Variants in ME1 observed in about 807,000 individuals in gnomAD.
ME1 encodes malic enzyme 1, also known as NADP-dependent malic enzyme.
A neutral mutation model predicts 66.4 loss-of-function variants in ME1; 74 were observed. The observed-to-expected ratio is 1.11, with a 90% CI of 0.92 to 1.35. ME1 has a LOEUF of 1.35. Among genes scored for constraint, ME1 ranks in the 40% most tolerant of loss-of-function variants. ME1 has a pLI of 0.00. For missense variants in ME1, 750 were observed against 694.1 expected (o/e 1.08, Z -0.90); for synonymous variants, 251 against 235.6 (o/e 1.07, Z -0.60).
intron 1 of ME1, among the ~76,000 whole-genome samples, chr6:83,416,356 G>A (rs1770159733): frequency 6.6e-6 from 1 of 152,130 alleles, no homozygotes; most frequent in Non-Finnish European, 1.5e-5. Flanking sequence ...TCACATTTCA[G>A]TATTGTCTGA....
In ME1 at chr6:83,210,757, T is replaced by C. The variant is rs1789857327; in HGVS notation, c.*1167A>G. ...ATAAGTAGCAAATGTTATTGCACCT[T>C]AGCTTTATAATTTAAAATTTTTTCC... On this transcript the variant is annotated 3_prime_UTR_variant, in exon 14 of 14. Coordinates refer to ENST00000369705, the MANE Select transcript of ME1 (RefSeq NM_002395.6). 6.6e-6 allele frequency: 1 copy of C among 152,194 alleles called. No homozygotes were observed. The allele number at this position is 152,194 out of a possible 1,614,324, so 9.4% of individuals were successfully genotyped here.
intron 6 of ME1, among the ~76,000 whole-genome samples, chr6:83,298,447 T>G (rs1377208573): frequency 6.6e-6 from 1 of 152,208 alleles, no homozygotes; most frequent in African/African-American, 2.4e-5. Context: ...TTAAGTTCCT[T>G]GAAGATGTTG....
chr6:83,322,799 C>A (rs1768203453), intron 5 of ME1, among the ~76,000 whole-genome samples: 1 of 152,132 alleles, frequency 6.6e-6, no homozygotes, highest in African/African-American at 2.4e-5. Context: ...TCAGGAAATA[C>A]AGAGAACACC....
At chr6:83,422,108 T>G (rs1770279397) in intron 1 of ME1, among the ~76,000 whole-genome samples, 1 of 152,120 alleles carries the variant, frequency 6.6e-6, no homozygotes, top group Non-Finnish European at 1.5e-5. Context: ...TCCCATAAAG[T>G]TGTATATTAA....
chr6:83,347,872 G>A (rs16884184), intron 4 of ME1, among the ~76,000 whole-genome samples: 4,185 of 152,206 alleles, frequency 0.027, 196 homozygotes, highest in African/African-American at 0.092. Context: ...TCAGAGAACT[G>A]AAATAATTTG....
intron 6 of ME1, among the ~76,000 whole-genome samples, chr6:83,300,522 C>G (rs1397183123): frequency 6.6e-6 from 1 of 151,142 alleles, no homozygotes; most frequent in African/African-American, 2.4e-5. Context: ...CTATAGAGAA[C>G]TTAAATCTAC....
At chr6:83,340,681 A>T (rs76448122) in intron 5 of ME1, among the ~76,000 whole-genome samples, 2 of 146,898 alleles carry the variant, frequency 1.4e-5, no homozygotes, top group Non-Finnish European at 3.0e-5. Context: ...GTTATGTGCT[A>T]TTTTTTTTTT....
In ME1 at chr6:83,237,793, A is replaced by G; in HGVS notation, c.950T>C (p.Leu317Ser). 1 of 1,608,024 alleles carries G rather than the reference A, an allele frequency of 6.2e-7. No homozygotes were observed. The highest frequency in any genetic ancestry group is 8.5e-7 in the Non-Finnish European group (1 of 1,176,990). ...LGIAHLIVMA[L>S]EKEGLPKEKA... ...CTCTTTTGGTAAACCTTCTTTTTCCAAGGCCATCACAATCAGGTGTGCAAT... is the reference window on the plus strand; with the variant it reads ...CTCTTTTGGTAAACCTTCTTTTTCCGAGGCCATCACAATCAGGTGTGCAAT... Residue 317 changes from leucine (L) to serine (S), a missense_variant, in exon 9 of 14, where the codon TTG becomes TCG. Physicochemically the swap from Leu to Ser is moderately radical, Grantham distance 145. Transcript: ENST00000369705.
chr6:83,389,253 A>G (rs1288686353), intron 3 of ME1, among the ~76,000 whole-genome samples: 2 of 152,212 alleles, frequency 1.3e-5, no homozygotes, highest in Non-Finnish European at 2.9e-5. Flanking sequence ...AGAAATAAAG[A>G]TTATATGAAT....
intron 3 of ME1, among the ~76,000 whole-genome samples, chr6:83,394,522 G>A (rs566149857): frequency 2.6e-4 from 39 of 152,098 alleles, no homozygotes; most frequent in African/African-American, 8.4e-4. Flanking sequence ...GGGATGATGC[G>A]GCCAACTCTT....
At chr6:83,288,269 A>T (rs879302055) in intron 6 of ME1, among the ~76,000 whole-genome samples, 7 of 152,108 alleles carry the variant, frequency 4.6e-5, no homozygotes, top group Non-Finnish European at 1.0e-4. Context: ...GTTTTCTTCT[A>T]GGATTTTTAC....
chr6:83,288,554 G>A (rs1002569276), intron 6 of ME1, among the ~76,000 whole-genome samples: 23 of 152,106 alleles, frequency 1.5e-4, no homozygotes, highest in Non-Finnish European at 3.2e-4. Flanking sequence ...TTTGGTTATT[G>A]TAGCCTTGTA....
chr6:83,293,220 C>T (rs941603010), intron 6 of ME1, among the ~76,000 whole-genome samples: 5 of 152,188 alleles, frequency 3.3e-5, no homozygotes, highest in African/African-American at 1.2e-4. Context: ...CACCCATCTT[C>T]TGCATCGATC....
chr6:83,364,184 T>C (rs1769056928), intron 3 of ME1, among the ~76,000 whole-genome samples: 1 of 152,116 alleles, frequency 6.6e-6, no homozygotes, highest in Non-Finnish European at 1.5e-5. Flanking sequence ...ATGGCTAGAA[T>C]ATAAGCAGGC....
intron 5 of ME1, among the ~76,000 whole-genome samples, chr6:83,325,283 C>A (rs1384123670): frequency 6.6e-6 from 1 of 152,162 alleles, no homozygotes; most frequent in Admixed American, 6.5e-5. Context: ...AAGCTGGAAG[C>A]ATTCCCTTTC....
intron 11 of ME1, among the ~76,000 whole-genome samples, chr6:83,224,927 C>T (rs1032165307): frequency 2.0e-5 from 3 of 151,604 alleles, no homozygotes; most frequent in Middle Eastern, 3.2e-3. Context: ...CTTGGCTGGG[C>T]GCGGTGGCTC....
intron 6 of ME1, among the ~76,000 whole-genome samples, chr6:83,274,481 A>T (rs73749777): frequency 0.015 from 2,338 of 152,296 alleles, 61 homozygotes; most frequent in African/African-American, 0.054. Context: ...ATTTAGCAGA[A>T]ATTTACTAAA....
intron 5 of ME1, among the ~76,000 whole-genome samples, chr6:83,315,829 G>A (rs1768020888): frequency 6.6e-6 from 1 of 152,070 alleles, no homozygotes; most frequent in African/African-American, 2.4e-5. Flanking sequence ...CCTGGGAGGT[G>A]GAGGTTGCAG....
chr6:83,400,491 T>C (rs1769818221), intron 2 of ME1, among the ~76,000 whole-genome samples: 1 of 152,142 alleles, frequency 6.6e-6, no homozygotes, highest in Non-Finnish European at 1.5e-5. Flanking sequence ...ACTAACATAC[T>C]CCTCTTCTCT....
Sources: allele counts gnomAD v4.1 joint callset (sites outside exome capture counted in the v4.1 genomes callset), GRCh38; gene constraint gnomAD v4.1.1; transcripts MANE v1.5; gene names NCBI Gene and HGNC (gene_info 2026-07-23, HGNC 2026-07-21).